Variants in CTIF observed in about 807,000 individuals in gnomAD.
The protein encoded by CTIF is cap binding complex dependent translation initiation factor.
In CTIF, 21 loss-of-function variants were observed where a neutral mutation model predicts 66.0. The observed-to-expected ratio is 0.32, with a 90% CI of 0.23 to 0.46. CTIF has a LOEUF of 0.46. CTIF is among the 20% of genes least tolerant of loss of function. The probability of loss-of-function intolerance (pLI) is 1.00; values close to 1 mark genes in which losing one functional copy is unlikely to be tolerated. For synonymous variants in CTIF, 345 were observed against 326.4 expected (o/e 1.06, Z -0.62); for missense variants, 739 against 812.7 (o/e 0.91, Z 1.10).
chr18:48,811,693 C>T (rs1412531331), intron 9 of CTIF, among the ~76,000 whole-genome samples: 1 of 151,972 alleles, frequency 6.6e-6, no homozygotes, highest in Non-Finnish European at 1.5e-5. Context: ...TTTCACTTTG[C>T]ATAATGTGCT....
chr18:48,723,499 C>T (rs531280941), intron 7 of CTIF, among the ~76,000 whole-genome samples: 2 of 152,278 alleles, frequency 1.3e-5, no homozygotes, highest in East Asian at 1.9e-4. Context: ...AGGAAGCCCT[C>T]GAAACTGACC....
chr18:48,841,458 C>T (rs2068939964), intron 10 of CTIF, among the ~76,000 whole-genome samples: 1 of 152,340 alleles, frequency 6.6e-6, no homozygotes. Context: ...AGTGGCTGGA[C>T]TGTGGTTTAG....
intron 7 of CTIF, among the ~76,000 whole-genome samples, chr18:48,726,967 C>A (rs1488756258): frequency 6.6e-6 from 1 of 152,002 alleles, no homozygotes; most frequent in Non-Finnish European, 1.5e-5. Flanking sequence ...AGATCATGTT[C>A]AGATGCAGAT....
At chr18:48,788,106 C>T (rs1911877969) in intron 9 of CTIF, among the ~76,000 whole-genome samples, 1 of 152,142 alleles carries the variant, frequency 6.6e-6, no homozygotes, top group South Asian at 2.1e-4. Context: ...CAGTGATAAT[C>T]CCCATGGGGA....
At position 48,698,033 on chromosome 18, in the gene CTIF, A is replaced by G. The variant is rs529834238; in HGVS notation, c.508-13586A>G. On this transcript the variant is annotated intron_variant, in intron 6 of 11. Transcript: ENST00000256413. Reference sequence around the variant, plus strand: ...TGGGGTATGACCAGAGCCAGGAACCATGTGGCACTGCAGGGCAACTCTCTA... The same window carrying G: ...TGGGGTATGACCAGAGCCAGGAACCGTGTGGCACTGCAGGGCAACTCTCTA... Among the ~76,000 whole-genome samples, 252 of 141,572 alleles carry G rather than the reference A, an allele frequency of 1.8e-3. 1 individual carries two copies. The highest frequency in any genetic ancestry group is 5.3e-3 in the African/African-American group (206 of 38,748). 92.9% of individuals were successfully genotyped at this position (141,572 alleles called of 152,430 possible).
In CTIF at chr18:48,590,292, G is replaced by A. The variant is rs559670267; in HGVS notation, c.-28-29246G>A. Among the ~76,000 whole-genome samples, 535 of 152,250 alleles carry A rather than the reference G, an allele frequency of 3.5e-3. 4 individuals are homozygous for A. Among genetic ancestry groups the A allele is most frequent in the South Asian group, 0.019 (94 of 4,830 alleles). On this transcript the variant is annotated intron_variant, in intron 1 of 11. Transcript: ENST00000256413. The stretch of plus-strand genomic sequence containing the variant: ...GAACACTGGCCCGGAGCCAGAGCTA[G>A]GACAGCAGGGCCTGCTGTGCAGCGC...
At chr18:48,631,567 T>A (rs2144572518) in intron 2 of CTIF, among the ~76,000 whole-genome samples, 1 of 152,352 alleles carries the variant, frequency 6.6e-6, no homozygotes, top group Non-Finnish European at 1.5e-5. Flanking sequence ...GATGGACTGA[T>A]AACAGAGAAT....
intron 9 of CTIF, among the ~76,000 whole-genome samples, chr18:48,779,123 G>A (rs1326291296): frequency 6.6e-6 from 1 of 152,180 alleles, no homozygotes; most frequent in African/African-American, 2.4e-5. Flanking sequence ...GGGGACGATG[G>A]TGTTAGTATA....
intron 3 of CTIF, among the ~76,000 whole-genome samples, chr18:48,643,490 T>C (rs1467812522): frequency 6.6e-6 from 1 of 152,172 alleles, no homozygotes; most frequent in East Asian, 1.9e-4. Context: ...CAGGACCCTC[T>C]CTGGAATGGG....
chr18:48,737,978 A>G (rs549955154), intron 7 of CTIF, among the ~76,000 whole-genome samples: 114 of 152,368 alleles, frequency 7.5e-4, no homozygotes, highest in African/African-American at 2.6e-3. Flanking sequence ...AGCCTTCTCA[A>G]CATCCCACGG....
chr18:48,712,318 G>T (rs56212333), intron 7 of CTIF, among the ~76,000 whole-genome samples: 3,944 of 152,312 alleles, frequency 0.026, 78 homozygotes, highest in Non-Finnish European at 0.038. Flanking sequence ...CAATGAGGTA[G>T]CCCTGGATAA....
chr18:48,786,698 C>T (rs561183946), intron 9 of CTIF, among the ~76,000 whole-genome samples: 1 of 152,312 alleles, frequency 6.6e-6, no homozygotes, highest in South Asian at 2.1e-4. Context: ...GCCCTTTGGC[C>T]TTGCCTGTTC....
chr18:48,777,301 C>T (rs1303744433), intron 9 of CTIF, among the ~76,000 whole-genome samples: 2 of 152,224 alleles, frequency 1.3e-5, no homozygotes, highest in Non-Finnish European at 2.9e-5. Context: ...GGCCACCTCC[C>T]AGCATCTTGG....
chr18:48,804,751 C>T (rs2068109960), intron 9 of CTIF, among the ~76,000 whole-genome samples: 1 of 152,156 alleles, frequency 6.6e-6, no homozygotes, highest in Non-Finnish European at 1.5e-5. Flanking sequence ...TGGGCTGCCA[C>T]CCAGGACCCG....
At chr18:48,634,215 G>A (rs1731032070) in intron 2 of CTIF, among the ~76,000 whole-genome samples, 1 of 152,158 alleles carries the variant, frequency 6.6e-6, no homozygotes, top group African/African-American at 2.4e-5. Context: ...GAATACCCCA[G>A]AAGTGATGTG....
intron 9 of CTIF, among the ~76,000 whole-genome samples, chr18:48,798,811 G>A (rs191125500): frequency 1.0e-3 from 159 of 152,314 alleles, no homozygotes; most frequent in African/African-American, 3.5e-3. Context: ...ACTTGGCAAC[G>A]TCTGGAGATA....
Position 48,761,452 on chromosome 18 carries a change from C to A in CTIF, c.1134C>A (p.Ile378=). Residue 378 remains isoleucine (I), a synonymous_variant, in exon 9 of 12, where the codon ATC becomes ATA. Transcript: ENST00000256413. The surrounding 1 kb of genome is among the most constrained non-coding windows in gnomAD (Gnocchi z 4.2). ...ACAAGATGGACAAGCTGATCGAGAT[C>A]CTGAACAGCATGCGGAACAACAGCA... The part of the protein sequence containing the change: ...QQNKMDKLIE[I]LNSMRNNSSD... 1 of 1,614,178 alleles carries A rather than the reference C, an allele frequency of 6.2e-7. No individual in the cohort carries two copies. Among genetic ancestry groups the A allele is most frequent in the Non-Finnish European group, 8.5e-7 (1 of 1,180,050 alleles).
intron 1 of CTIF, among the ~76,000 whole-genome samples, chr18:48,613,847 G>T (rs562059691): frequency 1.3e-5 from 2 of 152,278 alleles, no homozygotes; most frequent in South Asian, 4.2e-4. Context: ...CCAGAAAGCC[G>T]TGCCCACACC....
intron 1 of CTIF, among the ~76,000 whole-genome samples, chr18:48,586,993 C>T (rs564105874): frequency 6.6e-6 from 1 of 152,186 alleles, no homozygotes; most frequent in South Asian, 2.1e-4. Flanking sequence ...TAGCCAGGCT[C>T]CCCTGTTCAG....
Sources: gnomAD v4.1 joint callset for allele counts (sites outside exome capture counted in the v4.1 genomes callset) on GRCh38, gnomAD v4.1.1 for gene constraint, Gnocchi (gnomAD v3.1) non-coding constraint, MANE v1.5 for transcripts, NCBI Gene and HGNC (gene_info 2026-07-23, HGNC 2026-07-21) for gene names.